Variants in APTX observed in about 807,000 individuals in gnomAD.
APTX encodes forkhead-associated domain histidine triad-like protein.
In APTX, 33 loss-of-function variants were observed where a neutral mutation model predicts 42.3. That is an observed-to-expected ratio of 0.78 (90% CI 0.59 to 1.04). APTX has a LOEUF of 1.04. Ranked by LOEUF, APTX falls within the 50% of genes least tolerant of loss-of-function variation. The probability of loss-of-function intolerance (pLI) is 0.00; values close to 1 mark genes in which losing one functional copy is unlikely to be tolerated. For missense variants in APTX, 421 were observed against 415.1 expected (o/e 1.01, Z -0.12); for synonymous variants, 130 against 146.7 (o/e 0.89, Z 0.82).
At chr9:32,988,184 C>T (rs1350175967) in intron 2 of APTX, 55 bp from the exon 3 acceptor site, 4 of 1,517,254 alleles carry the variant, frequency 2.6e-6, no homozygotes, top group Middle Eastern at 1.7e-4. Context: ...CAGGCACTTG[C>T]TCCTATCTTC....
At chr9:33,020,561 T>C (rs1213535967) in intron 1 of APTX, among the ~76,000 whole-genome samples, 1 of 152,210 alleles carries the variant, frequency 6.6e-6, no homozygotes, top group Non-Finnish European at 1.5e-5. Context: ...CAAGGGTTAC[T>C]GTGAGGATAA....
chr9:32,984,608 G>C (rs769964037), intron 6 of APTX, 23 bp downstream of exon 6: 1 of 1,610,248 alleles, frequency 6.2e-7, no homozygotes, highest in Non-Finnish European at 8.5e-7. Context: ...CCAGGAGCCA[G>C]CAGCACTACC....
intron 1 of APTX, among the ~76,000 whole-genome samples, chr9:32,999,915 G>C (rs1179300771): frequency 6.6e-6 from 1 of 152,048 alleles, no homozygotes; most frequent in Non-Finnish European, 1.5e-5. Context: ...AGCCGAGATC[G>C]CGCCACTGCA....
chr9:32,974,591 A>G, intron 6 of APTX, 30 bp from the exon 7 acceptor site: 2 of 1,229,310 alleles, frequency 1.6e-6, no homozygotes, highest in Non-Finnish European at 2.4e-6. Flanking sequence ...ACTGAGCATT[A>G]AACTCTTTAA....
At chr9:33,015,960 T>G (rs1046536875) in intron 1 of APTX, 4 of 152,224 alleles carry the variant, frequency 2.6e-5, no homozygotes, top group Non-Finnish European at 5.9e-5. Flanking sequence ...TAAGTTAGAA[T>G]ACATTTGACA....
At chr9:33,020,362 A>G (rs4418417) in intron 1 of APTX, among the ~76,000 whole-genome samples, 10,709 of 152,218 alleles carry the variant, frequency 0.07, 510 homozygotes, top group Non-Finnish European at 0.11. Context: ...TCAAGTCATC[A>G]TGACTCTACC....
rs1392319183 is a variant in APTX, at chr9:33,001,283, G to C, written c.-5+284C>G. On this transcript the variant is annotated intron_variant, in intron 1 of 7. Coordinates refer to ENST00000379817, the MANE Select transcript of APTX (RefSeq NM_001195248.2). ...CTGGGCCGCCTCCTTGGTTGGACAG[G>C]GCCCATTCTCTAATATTTTTTCGGC... 4 of 1,468,556 alleles carry C rather than the reference G, an allele frequency of 2.7e-6. No homozygotes were observed. The South Asian group carries it at 4.9e-5, about 18-fold the overall frequency. The allele number at this position is 1,468,556 out of a possible 1,614,324, so 91.0% of individuals were successfully genotyped here.
upstream of APTX, among the ~76,000 whole-genome samples, chr9:33,004,630 C>CTTTTTT (rs3065216): frequency 1.2e-3 from 150 of 125,654 alleles, 2 homozygotes; most frequent in Non-Finnish European, 1.8e-3. Context: ...CTTGCCAACC[C>CTTTTTT]TTTTTTTTTT....
At chr9:32,987,409 G>T in intron 4 of APTX, 135 bp downstream of exon 4, 1 of 1,257,262 alleles carries the variant, frequency 8.0e-7, no homozygotes, top group Non-Finnish European at 1.1e-6. Context: ...TGATTTTCAC[G>T]CCACAAACAA....
At chr9:33,011,211 TGAAA>T (rs1317420746) in intron 1 of APTX, among the ~76,000 whole-genome samples, 2 of 151,834 alleles carry the variant, frequency 1.3e-5, no homozygotes, top group Non-Finnish European at 2.9e-5. Flanking sequence ...AGCACAGACC[TGAAA>T]GAAGAAAAAA....
chr9:32,998,563 C>A (rs1490918019), intron 1 of APTX, among the ~76,000 whole-genome samples: 1 of 152,112 alleles, frequency 6.6e-6, no homozygotes, highest in African/African-American at 2.4e-5. Flanking sequence ...AGTTCATGTC[C>A]TTTGCAGGGA....
intron 6 of APTX, among the ~76,000 whole-genome samples, chr9:32,982,594 T>C (rs1830932605): frequency 6.6e-6 from 1 of 152,176 alleles, no homozygotes; most frequent in African/African-American, 2.4e-5. Flanking sequence ...CAAAACTACA[T>C]CATACAGAGT....
chr9:33,020,000 G>A, intron 1 of APTX: 1 of 411,206 alleles, frequency 2.4e-6, no homozygotes, highest in Non-Finnish European at 4.4e-6. Flanking sequence ...TTTCTGCTAG[G>A]ACCTGACACG....
At position 32,987,822 on chromosome 9, in the gene APTX, C is replaced by T. The variant is rs1243949053; in HGVS notation, c.205G>A (p.Asp69Asn). 1 of 1,613,652 alleles carries T rather than the reference C, an allele frequency of 6.2e-7. No individual in the cohort carries two copies. Among genetic ancestry groups the T allele is most frequent in the Non-Finnish European group, 8.5e-7 (1 of 1,180,042 alleles). ...KQVGVNPTSI[D>N]SVVIGKDQEV... ...TGGTCCTTCCCAATTACGACTGAGT[C>T]AATGCTGGTGGGATTGACTCCTACC... The change falls in exon 4 of 8, where the codon GAC becomes AAC. Residue 69 changes from aspartate (D) to asparagine (N), a missense_variant. Coordinates refer to ENST00000379817, the MANE Select transcript of APTX (RefSeq NM_001195248.2).
intron 1 of APTX, among the ~76,000 whole-genome samples, chr9:32,996,426 C>G (rs183124801): frequency 6.6e-6 from 1 of 152,210 alleles, no homozygotes; most frequent in African/African-American, 2.4e-5. Flanking sequence ...CAGACACACA[C>G]CACCATGCCT....
intron 4 of APTX, among the ~76,000 whole-genome samples, chr9:32,986,963 C>T (rs915608069): frequency 3.3e-5 from 5 of 152,078 alleles, no homozygotes; most frequent in Non-Finnish European, 7.3e-5. Context: ...CATGTGTGTA[C>T]CACCAGGCCC....
Position 32,974,441 on chromosome 9 carries a change from C to A in APTX, c.874+17G>T. 1 of 1,442,186 alleles carries A rather than the reference C, an allele frequency of 6.9e-7. No homozygotes were observed. The highest frequency in any genetic ancestry group is 1.1e-5 in the South Asian group (1 of 87,508). 89.3% of individuals were successfully genotyped at this position (1,442,186 alleles called of 1,614,324 possible). On this transcript the variant is annotated intron_variant, in intron 7 of 7. Transcript: ENST00000379817. ...CAGAAAATGAAACAAATGTGAAAAC[C>A]AAGGAACACTGTTTACCTTGTGATT...
chr9:33,023,206 A>C (rs1340382813), intron 1 of APTX, among the ~76,000 whole-genome samples: 1 of 149,820 alleles, frequency 6.7e-6, no homozygotes, highest in Non-Finnish European at 1.5e-5. Flanking sequence ...GAAGGCAGGG[A>C]CCACGACTTA....
intron 1 of APTX, among the ~76,000 whole-genome samples, chr9:32,993,522 T>C (rs926135482): frequency 6.6e-6 from 1 of 152,170 alleles, no homozygotes; most frequent in African/African-American, 2.4e-5. Context: ...ACAATAAATA[T>C]TTACAAGTGA....
Sources: gnomAD v4.1 joint callset for allele counts (sites outside exome capture counted in the v4.1 genomes callset) on GRCh38, gnomAD v4.1.1 for gene constraint, MANE v1.5 for transcripts, NCBI Gene and HGNC (gene_info 2026-07-23, HGNC 2026-07-21) for gene names.